Variants in PTPN4 observed in about 807,000 individuals in gnomAD.
The protein encoded by PTPN4 is protein tyrosine phosphatase non-receptor type 4.
Under a neutral mutation model 135.5 loss-of-function variants are expected in PTPN4, and 49 were observed. That is an observed-to-expected ratio of 0.36 (90% CI 0.29 to 0.46). PTPN4 has a LOEUF of 0.46. Among genes scored for constraint, PTPN4 ranks in the 20% least tolerant of loss-of-function variants. PTPN4 has a pLI of 1.00. For missense variants in PTPN4, 860 were observed against 1,101.0 expected (o/e 0.78, Z 3.10); for synonymous variants, 333 against 369.9 (o/e 0.90, Z 1.14).
intron 1 of PTPN4, among the ~76,000 whole-genome samples, chr2:119,798,482 C>G (rs938770415): frequency 2.0e-5 from 3 of 152,168 alleles, no homozygotes; most frequent in Non-Finnish European, 4.4e-5. Flanking sequence ...CAACACCTTT[C>G]AAATGGAAAA....
chr2:119,788,384 A>G (rs1380231466), intron 1 of PTPN4, among the ~76,000 whole-genome samples: 1 of 152,234 alleles, frequency 6.6e-6, no homozygotes, highest in Non-Finnish European at 1.5e-5. Context: ...ACAGAAACTT[A>G]GATCACTTCA....
chr2:119,824,864 T>G (rs547435412), intron 2 of PTPN4, among the ~76,000 whole-genome samples: 9 of 152,248 alleles, frequency 5.9e-5, no homozygotes, highest in African/African-American at 2.2e-4. Flanking sequence ...ATTTTTGCAT[T>G]TTTAGTAGAG....
intron 1 of PTPN4, among the ~76,000 whole-genome samples, chr2:119,767,487 G>A (rs1031508167): frequency 6.6e-6 from 1 of 152,108 alleles, no homozygotes; most frequent in Non-Finnish European, 1.5e-5. Flanking sequence ...CCTTCAGGTC[G>A]AACCTAGATG....
At chr2:119,858,254 T>C (rs930256829) in intron 2 of PTPN4, among the ~76,000 whole-genome samples, 3 of 152,218 alleles carry the variant, frequency 2.0e-5, no homozygotes, top group African/African-American at 7.2e-5. Flanking sequence ...ACACATTTCC[T>C]TTTGGCCTTC....
At position 119,774,009 on chromosome 2, in the gene PTPN4, T is replaced by G. The variant is rs115356178; in HGVS notation, c.-18+13625T>G. Among the ~76,000 whole-genome samples the G allele has an allele frequency of 9.8e-3, 1,488 of 152,330 alleles. 22 individuals are homozygous for G. Among genetic ancestry groups the G allele is most frequent in the Non-Finnish European group, 0.012 (783 of 68,026 alleles). On this transcript the variant is annotated intron_variant, in intron 1 of 26. Transcript: ENST00000263708. ...TGTAATAATGTAATAACCACCTCTA[T>G]TTCTAGTGAGTTCAGGTGTTGGAAG...
intron 1 of PTPN4, among the ~76,000 whole-genome samples, chr2:119,763,104 A>G (rs1361696604): frequency 6.6e-6 from 1 of 152,180 alleles, no homozygotes. Context: ...GTCTAGGAAC[A>G]GCATAATTTC....
chr2:119,932,965 C>T (rs1404253202), intron 14 of PTPN4, among the ~76,000 whole-genome samples: 1 of 152,098 alleles, frequency 6.6e-6, no homozygotes, highest in East Asian at 1.9e-4. Context: ...CTCTTAAACC[C>T]CCAGCTCAAC....
At chr2:119,849,475 C>T (rs894026834) in intron 2 of PTPN4, among the ~76,000 whole-genome samples, 10 of 152,136 alleles carry the variant, frequency 6.6e-5, no homozygotes, top group African/African-American at 2.2e-4. Context: ...TAATTTTGTA[C>T]TGTTTTTGCA....
chr2:119,962,029 C>T (rs914038318), intron 23 of PTPN4, among the ~76,000 whole-genome samples: 5 of 152,126 alleles, frequency 3.3e-5, no homozygotes, highest in South Asian at 2.1e-4. Flanking sequence ...ATACATTAAA[C>T]GAGTGAACGG....
At chr2:119,817,152 G>T (rs1440383789) in intron 2 of PTPN4, among the ~76,000 whole-genome samples, 1 of 152,114 alleles carries the variant, frequency 6.6e-6, no homozygotes, top group Non-Finnish European at 1.5e-5. Flanking sequence ...GTCCTGAATG[G>T]TATTGCCTAG....
intron 1 of PTPN4, among the ~76,000 whole-genome samples, chr2:119,803,660 A>G (rs1691414556): frequency 6.6e-6 from 1 of 152,176 alleles, no homozygotes; most frequent in Admixed American, 6.5e-5. Flanking sequence ...TGTTCTATAA[A>G]TGTTCATGAT....
At chr2:119,865,442 T>C (rs1297706952) in intron 3 of PTPN4, among the ~76,000 whole-genome samples, 4 of 152,098 alleles carry the variant, frequency 2.6e-5, no homozygotes, top group Non-Finnish European at 5.9e-5. Context: ...CTAATACTTA[T>C]AGAAGTCAAC....
chr2:119,868,483 A>G (rs1236940374), intron 3 of PTPN4, among the ~76,000 whole-genome samples: 1 of 152,190 alleles, frequency 6.6e-6, no homozygotes. Context: ...AAATCTGGCC[A>G]TAAACTGGCT....
chr2:119,934,525 A>C (rs9308777), intron 14 of PTPN4, among the ~76,000 whole-genome samples: 1 of 151,934 alleles, frequency 6.6e-6, no homozygotes, highest in South Asian at 2.1e-4. Flanking sequence ...AGACAAAATC[A>C]TAGTGACTAA....
chr2:119,832,881 G>A (rs1677239476), intron 2 of PTPN4, among the ~76,000 whole-genome samples: 2 of 152,038 alleles, frequency 1.3e-5, no homozygotes, highest in Admixed American at 1.3e-4. Context: ...GACTAACTGG[G>A]TAACAGTCCC....
chr2:119,927,754 C>T (rs1678846949), intron 13 of PTPN4, among the ~76,000 whole-genome samples: 1 of 152,168 alleles, frequency 6.6e-6, no homozygotes, highest in Non-Finnish European at 1.5e-5. Context: ...GCATCTACTG[C>T]TATTAGAGGC....
At chr2:119,774,240 C>T (rs1175963805) in intron 1 of PTPN4, among the ~76,000 whole-genome samples, 1 of 152,036 alleles carries the variant, frequency 6.6e-6, no homozygotes, top group African/African-American at 2.4e-5. Flanking sequence ...GGAAGTGCTC[C>T]CAAGGAGAGA....
chr2:119,936,095 C>T lies in PTPN4; in HGVS notation c.1355+1137C>T, dbSNP rs551408707. 1.2e-3 allele frequency among the ~76,000 whole-genome samples: 181 copies of T among 152,130 alleles called. 1 individual carries two copies. The highest frequency in any genetic ancestry group is 1.9e-3 in the Non-Finnish European group (131 of 67,988). ...TCGGCTCACTGCAAGCTCTGCCTCC[C>T]GGGTTCACGCCATTCTCCTGCCTCA... On this transcript the variant is annotated intron_variant, in intron 15 of 26. Coordinates refer to ENST00000263708, the MANE Select transcript of PTPN4 (RefSeq NM_002830.4).
chr2:119,947,793 T>C (rs200166003), intron 18 of PTPN4, among the ~76,000 whole-genome samples: 28 of 85,464 alleles, frequency 3.3e-4, no homozygotes, highest in Middle Eastern at 7.8e-3. Context: ...CACACACACA[T>C]CAGATTGTGA....
Sources: gnomAD v4.1 joint callset for allele counts (sites outside exome capture counted in the v4.1 genomes callset) on GRCh38, gnomAD v4.1.1 for gene constraint, MANE v1.5 for transcripts, NCBI Gene and HGNC (gene_info 2026-07-23, HGNC 2026-07-21) for gene names.